TIAM1: variants seen among roughly 807,000 people sequenced by gnomAD.
The protein encoded by TIAM1 is rho guanine nucleotide exchange factor TIAM1.
In TIAM1, 65 loss-of-function variants were observed where a neutral mutation model predicts 163.5. The observed-to-expected ratio is 0.40, with a 90% confidence interval of 0.33 to 0.49. The LOEUF is 0.49. TIAM1 is among the 20% of genes least tolerant of loss of function. TIAM1 has a pLI of 0.77. For missense variants in TIAM1, 1,789 were observed against 2,044.7 expected (o/e 0.87, Z 2.41); for synonymous variants, 833 against 810.1 (o/e 1.03, Z -0.48).
At chr21:31,429,582 G>A (rs1299993200) in intron 2 of TIAM1, among the ~76,000 whole-genome samples, 2 of 152,278 alleles carry the variant, frequency 1.3e-5, no homozygotes, top group Non-Finnish European at 1.5e-5. Flanking sequence ...CTGGACGGCA[G>A]GGAGTGAGTG....
chr21:31,287,682 T>A (rs1164873818), intron 2 of TIAM1, among the ~76,000 whole-genome samples: 3 of 152,156 alleles, frequency 2.0e-5, no homozygotes, highest in Non-Finnish European at 4.4e-5. Context: ...AATGAAAGTA[T>A]CATTAGCCCA....
chr21:31,400,464 GTGGCAGCACATGC>G (rs1253090417), intron 2 of TIAM1, among the ~76,000 whole-genome samples: 1 of 152,112 alleles, frequency 6.6e-6, no homozygotes, highest in African/African-American at 2.4e-5. Context: ...AATTAGAGCA[GTGGCAGCACATGC>G]TGAAATATAC....
At position 31,121,313 on chromosome 21, in the gene TIAM1, G is replaced by A. The variant is rs1221713319; in HGVS notation, c.4307-476C>T. Reference sequence around the variant, plus strand: ...GTCCCAGGGTTGTTTAGCTGGAATAGGTCTTTAGTAAGGGTGGGGGTGCAT... The same window carrying A: ...GTCCCAGGGTTGTTTAGCTGGAATAAGTCTTTAGTAAGGGTGGGGGTGCAT... On this transcript the variant is annotated intron_variant, in intron 27 of 27. Transcript: ENST00000541036. Among the ~76,000 whole-genome samples, 3 of 152,244 alleles carry A rather than the reference G, an allele frequency of 2.0e-5. No homozygotes were observed. The East Asian group carries it at 5.8e-4, about 29-fold the overall frequency.
At chr21:31,401,829 T>C (rs1345587592) in intron 2 of TIAM1, among the ~76,000 whole-genome samples, 1 of 151,804 alleles carries the variant, frequency 6.6e-6, no homozygotes, top group Admixed American at 6.6e-5. Context: ...GAGGATTGCT[T>C]GAACCCAGAA....
At chr21:31,165,667 A>G (rs921286050) in intron 15 of TIAM1, among the ~76,000 whole-genome samples, 2 of 151,726 alleles carry the variant, frequency 1.3e-5, no homozygotes, top group South Asian at 4.1e-4. Context: ...TAAGACAATA[A>G]TAATTTATAA....
chr21:31,422,515 T>C (rs774880381), intron 2 of TIAM1, among the ~76,000 whole-genome samples: 52 of 152,290 alleles, frequency 3.4e-4, no homozygotes, highest in South Asian at 8.3e-4. Flanking sequence ...CCAGTGACAC[T>C]GGCCTCCTGA....
chr21:31,487,779 G>C (rs553038857), intron 1 of TIAM1, among the ~76,000 whole-genome samples: 4 of 150,572 alleles, frequency 2.7e-5, no homozygotes, highest in African/African-American at 7.3e-5. Context: ...GGATGGTCTC[G>C]ATCTCCTGAC....
chr21:31,315,833 C>T (rs1005597245), intron 2 of TIAM1, among the ~76,000 whole-genome samples: 2 of 151,636 alleles, frequency 1.3e-5, no homozygotes, highest in African/African-American at 4.9e-5. Flanking sequence ...TACAAAAAGG[C>T]GGGTGTGGTG....
At chr21:31,503,816 T>G (rs1272116525) in intron 1 of TIAM1, among the ~76,000 whole-genome samples, 5 of 150,898 alleles carry the variant, frequency 3.3e-5, no homozygotes, top group Admixed American at 2.0e-4. Context: ...CACCACCATT[T>G]GAGACATCAC....
intron 2 of TIAM1, among the ~76,000 whole-genome samples, chr21:31,453,719 TAAATAAATA>T (rs768068551): frequency 6.5e-4 from 97 of 148,124 alleles, no homozygotes; most frequent in Middle Eastern, 3.5e-3. Flanking sequence ...AATAAATAAA[TAAATAAATA>T]AATAAATTTT....
intron 16 of TIAM1, 32 bp from the exon 17 acceptor site, chr21:31,154,458 G>A (rs777998527): frequency 6.2e-6 from 10 of 1,601,006 alleles, no homozygotes; most frequent in Admixed American, 3.4e-5. Flanking sequence ...GGAAGGCAGA[G>A]GTCATTATCC....
chr21:31,503,229 T>C (rs1285982525), intron 1 of TIAM1, among the ~76,000 whole-genome samples: 2 of 151,486 alleles, frequency 1.3e-5, no homozygotes, highest in Non-Finnish European at 2.9e-5. Flanking sequence ...ACCCCGTCTC[T>C]ACTAAAAATA....
intron 2 of TIAM1, among the ~76,000 whole-genome samples, chr21:31,398,735 G>C (rs751415570): frequency 6.6e-6 from 1 of 152,250 alleles, no homozygotes. Flanking sequence ...GCAGGCTTCC[G>C]TCTGTGCCTG....
intron 1 of TIAM1, among the ~76,000 whole-genome samples, chr21:31,554,788 G>C (rs1436701055): frequency 6.6e-6 from 1 of 152,168 alleles, no homozygotes; most frequent in African/African-American, 2.4e-5. Context: ...CAGTCTCCCA[G>C]CTCTGCCTCA....
chr21:31,228,219 T>A (rs1569068355), intron 6 of TIAM1, among the ~76,000 whole-genome samples: 8 of 17,624 alleles, frequency 4.5e-4, no homozygotes, highest in South Asian at 3.3e-3. Context: ...CCTCCTTTTT[T>A]TAAAAAAAAA....
At chr21:31,360,976 C>T (rs1172132299) in intron 2 of TIAM1, among the ~76,000 whole-genome samples, 1 of 152,072 alleles carries the variant, frequency 6.6e-6, no homozygotes, top group Non-Finnish European at 1.5e-5. Context: ...GGGTCAGGCA[C>T]TTTAGTAAAG....
At chr21:31,360,612 C>A (rs1393526936) in intron 2 of TIAM1, among the ~76,000 whole-genome samples, 1 of 152,034 alleles carries the variant, frequency 6.6e-6, no homozygotes, top group Non-Finnish European at 1.5e-5. Flanking sequence ...ATGCAAGCCA[C>A]ACGGTGAGAC....
chr21:31,163,521 C>T lies in TIAM1; in HGVS notation c.2991+1441G>A, dbSNP rs530989708. 1.6e-4 allele frequency among the ~76,000 whole-genome samples: 25 copies of T among 151,900 alleles called. No individual in the cohort carries two copies. The East Asian group carries it at 1.9e-3, about 12-fold the overall frequency. On this transcript the variant is annotated intron_variant, in intron 16 of 27. Coordinates refer to ENST00000541036, the MANE Select transcript of TIAM1 (RefSeq NM_001353694.2). ...TCAAATATTAAATTTTATATTGTGCCCAACTTAAAAAGACACTGAGAATGA... is the reference window on the plus strand; with the variant it reads ...TCAAATATTAAATTTTATATTGTGCTCAACTTAAAAAGACACTGAGAATGA...
At chr21:31,551,631 T>C (rs535415858) in intron 1 of TIAM1, among the ~76,000 whole-genome samples, 71 of 151,490 alleles carry the variant, frequency 4.7e-4, no homozygotes, top group African/African-American at 1.4e-3. Flanking sequence ...TAGTCCCAGC[T>C]ACTCCAAAGG....
Sources: gnomAD v4.1 joint callset for allele counts (sites outside exome capture counted in the v4.1 genomes callset) on GRCh38, gnomAD v4.1.1 for gene constraint, MANE v1.5 for transcripts, NCBI Gene and HGNC (gene_info 2026-07-23, HGNC 2026-07-21) for gene names.